Variants in USP48 observed in about 807,000 individuals in gnomAD.
USP48 encodes ubiquitin specific peptidase 48.
USP48 carries 43 observed loss-of-function variants against 150.7 expected under a neutral mutation model. That is an observed-to-expected ratio of 0.29 (90% CI 0.22 to 0.37). The LOEUF (loss-of-function observed/expected upper bound fraction) is 0.37, where lower values mean the gene tolerates loss of function less well. USP48 is among the 10% of genes least tolerant of loss of function. The pLI is 1.00. For synonymous variants in USP48, 396 were observed against 425.9 expected (o/e 0.93, Z 0.86); for missense variants, 813 against 1,249.6 (o/e 0.65, Z 5.27).
At chr1:21,718,871 T>C (rs1015248306) in intron 14 of USP48, among the ~76,000 whole-genome samples, 8 of 152,180 alleles carry the variant, frequency 5.3e-5, no homozygotes, top group Non-Finnish European at 1.0e-4. Flanking sequence ...AGTCACATGT[T>C]ATCATTAAAA....
At chr1:21,687,356 G>T in intron 24 of USP48, 117 bp from the exon 25 acceptor site, 1 of 974,598 alleles carries the variant, frequency 1.0e-6, no homozygotes, top group Non-Finnish European at 1.6e-6. Flanking sequence ...CTGTCCAGTA[G>T]ATAACTCAGT....
chr1:21,700,883 G>A (rs192180463), intron 22 of USP48, among the ~76,000 whole-genome samples: 9 of 151,884 alleles, frequency 5.9e-5, no homozygotes, highest in Non-Finnish European at 4.4e-5. Context: ...ACCAGCCTAG[G>A]TGAAACCCCG....
intron 1 of USP48, among the ~76,000 whole-genome samples, chr1:21,763,041 G>A (rs757759069): frequency 1.3e-5 from 2 of 152,010 alleles, no homozygotes; most frequent in Non-Finnish European, 2.9e-5. Context: ...GGCTCTCCCT[G>A]TCCCCACCCA....
intron 24 of USP48, among the ~76,000 whole-genome samples, chr1:21,687,455 T>C (rs552373713): frequency 6.6e-6 from 1 of 152,328 alleles, no homozygotes; most frequent in South Asian, 2.1e-4. Flanking sequence ...TGGTATACTG[T>C]GTGTGTGAAG....
In USP48 at chr1:21,740,145, G is replaced by A. The variant is rs577789504; in HGVS notation, c.992-3520C>T. ...AGGCTGGTCTTGAACTCCCAAACTC[G>A]GGTGATCCACCCGCCTTGGCCTCCC... On this transcript the variant is annotated intron_variant, in intron 8 of 26. Transcript: ENST00000308271. 2.5e-4 allele frequency among the ~76,000 whole-genome samples: 38 copies of A among 152,218 alleles called. No individual in the cohort carries two copies. In the South Asian group the frequency reaches 3.7e-3, roughly 15 times the overall value.
intron 15 of USP48, among the ~76,000 whole-genome samples, chr1:21,709,603 G>A (rs2097684864): frequency 6.6e-6 from 1 of 151,150 alleles, no homozygotes; most frequent in South Asian, 2.1e-4. Flanking sequence ...AAAAAAGAGA[G>A]CTTCTTTGTG....
chr1:21,717,095 A>G (rs2097706636), intron 14 of USP48, among the ~76,000 whole-genome samples: 1 of 151,712 alleles, frequency 6.6e-6, no homozygotes, highest in South Asian at 2.1e-4. Context: ...AAAAATATCT[A>G]CTAATCATTC....
chr1:21,700,844 C>T (rs1017386134), intron 22 of USP48, among the ~76,000 whole-genome samples: 5 of 151,372 alleles, frequency 3.3e-5, no homozygotes, highest in South Asian at 2.1e-4. Flanking sequence ...AAGGCCAAGG[C>T]GGGAGGATCA....
At chr1:21,723,745 CTACTTT>C (rs1232407247) in intron 12 of USP48, among the ~76,000 whole-genome samples, 147 bp downstream of exon 12, 2 of 152,170 alleles carry the variant, frequency 1.3e-5, no homozygotes, top group African/African-American at 2.4e-5. Flanking sequence ...TGCTTAACTT[CTACTTT>C]ATTTAGCAAA....
At chr1:21,749,761 C>A (rs765599395) in intron 6 of USP48, among the ~76,000 whole-genome samples, 1 of 151,992 alleles carries the variant, frequency 6.6e-6, no homozygotes, top group Non-Finnish European at 1.5e-5. Flanking sequence ...CAACACCAAG[C>A]CTGGTTAATT....
At chr1:21,764,909 T>C (rs2097858253) in intron 1 of USP48, among the ~76,000 whole-genome samples, 1 of 152,082 alleles carries the variant, frequency 6.6e-6, no homozygotes. Flanking sequence ...GTCATTTCAT[T>C]AGCATACAAA....
intron 1 of USP48, chr1:21,768,315 C>A: frequency 1.2e-5 from 2 of 168,138 alleles, no homozygotes; most frequent in South Asian, 1.6e-4. Flanking sequence ...TGCATCAAGT[C>A]CCTGATTGCT....
Position 21,747,090 on chromosome 1 carries a change from A to G in USP48, c.968T>C (p.Met323Thr). Residue 323 changes from methionine to threonine, a missense_variant, in exon 8 of 27, where the codon ATG becomes ACG. By Grantham distance (81) the Met-to-Thr change is moderately conservative (BLOSUM62 -1). Transcript: ENST00000308271. ...ACCTTTATGTTCCACATAAGGCTCC[A>G]TATCCAAAATTTCTGAGAAGCCAAT... ...TYIGFSEILD[M>T]EPYVEHKGGS... The G allele has an allele frequency of 6.2e-7, 1 of 1,612,154 alleles. No homozygotes were observed. The highest frequency in any genetic ancestry group is 8.5e-7 in the Non-Finnish European group (1 of 1,179,682).
chr1:21,757,346 C>T, intron 2 of USP48: 1 of 190,066 alleles, frequency 5.3e-6, no homozygotes. Flanking sequence ...TGAGTTTGTT[C>T]CCTTGAATTA....
intron 3 of USP48, among the ~76,000 whole-genome samples, chr1:21,753,412 G>A (rs892675536): frequency 2.6e-5 from 4 of 151,864 alleles, no homozygotes; most frequent in South Asian, 2.1e-4. Context: ...AATATTAGCC[G>A]GGTGTGGTGG....
At chr1:21,776,542 G>C (rs1447816593) in intron 1 of USP48, among the ~76,000 whole-genome samples, 1 of 118,322 alleles carries the variant, frequency 8.5e-6, no homozygotes, top group Non-Finnish European at 1.6e-5. Flanking sequence ...TGGGCAATGT[G>C]ACAAGACTCT....
At chr1:21,716,480 C>T (rs2152536703) in intron 14 of USP48, among the ~76,000 whole-genome samples, 1 of 152,294 alleles carries the variant, frequency 6.6e-6, no homozygotes, top group South Asian at 2.1e-4. Flanking sequence ...AAATTTAAAA[C>T]TTATGAATTG....
chr1:21,694,338 T>C (rs1267921895), intron 23 of USP48, among the ~76,000 whole-genome samples: 1 of 151,804 alleles, frequency 6.6e-6, no homozygotes, highest in African/African-American at 2.4e-5. Flanking sequence ...TTTGGGAGGC[T>C]GAGGCGGGTG....
At chr1:21,713,814 C>T (rs1466210162) in intron 15 of USP48, among the ~76,000 whole-genome samples, 1 of 152,180 alleles carries the variant, frequency 6.6e-6, no homozygotes, top group South Asian at 2.1e-4. Context: ...TCTTCTCCTG[C>T]TGTGCACCTG....
Sources: gnomAD v4.1 joint callset for allele counts (sites outside exome capture counted in the v4.1 genomes callset) on GRCh38, gnomAD v4.1.1 for gene constraint, MANE v1.5 for transcripts, NCBI Gene and HGNC (gene_info 2026-07-23, HGNC 2026-07-21) for gene names.